IFT122: variants seen among roughly 807,000 people sequenced by gnomAD.
The protein encoded by IFT122 is intraflagellar transport 122.
IFT122 carries 118 observed loss-of-function variants against 161.6 expected under a neutral mutation model. That is an observed-to-expected ratio of 0.73 (90% CI 0.63 to 0.85). The LOEUF (loss-of-function observed/expected upper bound fraction) is 0.85. Ranked by LOEUF, IFT122 falls within the 40% of genes least tolerant of loss-of-function variation. The pLI, the probability that IFT122 is intolerant of heterozygous loss-of-function variation, is 0.00. For missense variants in IFT122, 1,381 were observed against 1,579.6 expected, an observed-to-expected ratio of 0.87 and a Z score of 2.13; for synonymous variants, 550 against 602.4, an observed-to-expected ratio of 0.91 and a Z score of 1.27.
At position 129,499,987 on chromosome 3, in the gene IFT122, A is replaced by C. The variant is rs146026277; in HGVS notation, c.2294A>C (p.Lys765Thr). 584 of 1,614,206 alleles carry C rather than the reference A, an allele frequency of 3.6e-4. No homozygotes were observed. The African/African-American group carries it at 7.0e-3, about 19-fold the overall frequency. Residue 765 changes from lysine (K) to threonine (T), a missense_variant, in exon 19 of 30, where the codon AAA (lysine) becomes ACA (threonine). Transcript: ENST00000348417. ...TGGGCCAGAAATATCAAGGAGCCCA[A>C]AGCCGCCGTGGAGATGTACATCTCA... ...ADWARNIKEP[K>T]AAVEMYISAG...
chr3:129,477,287 C>T (rs1422775011), intron 11 of IFT122, among the ~76,000 whole-genome samples: 1 of 152,164 alleles, frequency 6.6e-6, no homozygotes, highest in Non-Finnish European at 1.5e-5. Flanking sequence ...GAGTTCCCGG[C>T]CTCGCATAGT....
chr3:129,507,807 G>A lies in IFT122; in HGVS notation c.2886+45G>A, dbSNP rs887853677. ...AGCACCTGAGGGTACCATCTCCTGA[G>A]CTAGGGGTCCCGGGCATATCTAAAG... On this transcript the variant is annotated intron_variant, in intron 23 of 29. Coordinates refer to ENST00000348417, the MANE Select transcript of IFT122 (RefSeq NM_052989.3). 7.7e-6 allele frequency: 11 copies of A among 1,430,028 alleles called. No homozygotes were observed. The African/African-American group carries it at 1.5e-4, about 20-fold the overall frequency. The allele number at this position is 1,430,028 out of a possible 1,614,324, so 88.6% of individuals were successfully genotyped here. A position where few individuals can be genotyped will look rare whatever the true frequency, so the allele number is the denominator to read the frequency against.
intron 5 of IFT122, among the ~76,000 whole-genome samples, chr3:129,462,043 G>A (rs1019936260): frequency 6.6e-6 from 1 of 152,132 alleles, no homozygotes; most frequent in African/African-American, 2.4e-5. Flanking sequence ...CAGTGTTCCA[G>A]TTCCCTTATC....
intron 29 of IFT122, 63 bp from the exon 30 acceptor site, chr3:129,520,113 C>T (rs1429263757): frequency 7.9e-6 from 11 of 1,384,072 alleles, no homozygotes; most frequent in Non-Finnish European, 1.1e-5. Context: ...TGCGTCCTGG[C>T]CCCAGGCGTA....
intron 15 of IFT122, chr3:129,487,663 T>C (rs575266427): frequency 1.6e-4 from 27 of 173,262 alleles, no homozygotes; most frequent in Admixed American, 1.3e-3. Context: ...AAGAGGCCAT[T>C]CCAGACCGCT....
intron 20 of IFT122, 122 bp from the exon 21 acceptor site, chr3:129,504,197 C>CT: frequency 1.2e-6 from 1 of 809,964 alleles, no homozygotes; most frequent in East Asian, 2.5e-5. Context: ...GGGAGGCACT[C>CT]TCCCCCTCTG....
At chr3:129,483,745 C>T in intron 15 of IFT122, 63 bp downstream of exon 15, 1 of 1,446,768 alleles carries the variant, frequency 6.9e-7, no homozygotes, top group Non-Finnish European at 9.5e-7. Flanking sequence ...GGAAGCTGGG[C>T]CCTTTGCTGG....
chr3:129,469,653 C>T (rs551279253), intron 9 of IFT122, among the ~76,000 whole-genome samples: 2 of 152,192 alleles, frequency 1.3e-5, no homozygotes, highest in Non-Finnish European at 2.9e-5. Context: ...TAAACCAGAA[C>T]TCAGAGCAGT....
intron 17 of IFT122, among the ~76,000 whole-genome samples, chr3:129,492,819 T>TTC (rs1553760536): frequency 1.3e-5 from 2 of 149,672 alleles, no homozygotes; most frequent in East Asian, 3.9e-4. Context: ...TTTTTTTCTT[T>TTC]TTTTTTTTTT....
intron 9 of IFT122, among the ~76,000 whole-genome samples, chr3:129,471,182 C>T (rs971062347): frequency 1.3e-5 from 2 of 152,190 alleles, no homozygotes; most frequent in Non-Finnish European, 2.9e-5. Flanking sequence ...TTCCTCAAAA[C>T]ATGTCATGTA....
chr3:129,519,466 G>T, intron 28 of IFT122, 102 bp from the exon 29 acceptor site: 1 of 1,489,064 alleles, frequency 6.7e-7, no homozygotes, highest in Non-Finnish European at 9.1e-7. Context: ...TAGGAAGCAG[G>T]TCCTCTCTCA....
chr3:129,480,227 C>T (rs1428948037), intron 13 of IFT122, among the ~76,000 whole-genome samples: 1 of 152,162 alleles, frequency 6.6e-6, no homozygotes, highest in African/African-American at 2.4e-5. Flanking sequence ...GATGTTGCTT[C>T]TGTGGATTTC....
intron 15 of IFT122, among the ~76,000 whole-genome samples, chr3:129,484,459 C>T (rs2079050710): frequency 6.6e-6 from 1 of 152,132 alleles, no homozygotes; most frequent in Admixed American, 6.5e-5. Flanking sequence ...GCATAATATA[C>T]AATTAGGAGC....
At chr3:129,518,517 G>A (rs770159056) in intron 27 of IFT122, among the ~76,000 whole-genome samples, 13 of 152,284 alleles carry the variant, frequency 8.5e-5, no homozygotes, top group East Asian at 7.7e-4. Flanking sequence ...AAGGAAAGAC[G>A]GACCCATCTC....
Position 129,499,892 on chromosome 3 carries a change from G to A in IFT122, c.2209-10G>A, listed in dbSNP as rs2081333320. ...GATCCAGAGTGTTTTTGTTTGTTGT[G>A]CTTCCTCAGGATTTCCTTGGATCTG... is the stretch of plus-strand genomic sequence containing the variant. On this transcript the variant is annotated splice_polypyrimidine_tract_variant and intron_variant, in intron 18 of 29. Transcript: ENST00000348417. 2 of 1,614,010 alleles carry A rather than the reference G, an allele frequency of 1.2e-6. No individual in the cohort carries two copies. Among genetic ancestry groups the A allele is most frequent in the Non-Finnish European group, 1.7e-6 (2 of 1,179,958 alleles).
chr3:129,505,288 G>T (rs2713621), intron 21 of IFT122, among the ~76,000 whole-genome samples: 51,976 of 152,050 alleles, frequency 0.34, 13,501 homozygotes, highest in African/African-American at 0.69. Context: ...GCCTTCTAAT[G>T]GAAGTTGGGT....
At chr3:129,445,662 G>A (rs1016472132) in intron 1 of IFT122, among the ~76,000 whole-genome samples, 2 of 152,206 alleles carry the variant, frequency 1.3e-5, no homozygotes, top group Non-Finnish European at 2.9e-5. Flanking sequence ...AGACTCTAGA[G>A]TCAGACCTGA....
At chr3:129,457,744 T>C (rs1034427832) in intron 3 of IFT122, among the ~76,000 whole-genome samples, 1 of 148,664 alleles carries the variant, frequency 6.7e-6, no homozygotes, top group Non-Finnish European at 1.5e-5. Context: ...TTTTTTTTTT[T>C]TTTTTTTTTG....
At chr3:129,457,146 C>G (rs547497192) in intron 3 of IFT122, among the ~76,000 whole-genome samples, 1 of 152,278 alleles carries the variant, frequency 6.6e-6, no homozygotes, top group East Asian at 1.9e-4. Context: ...TAGGTGAAGA[C>G]CCCGTTATTT....
Sources: allele counts gnomAD v4.1 joint callset (sites outside exome capture counted in the v4.1 genomes callset), GRCh38; gene constraint gnomAD v4.1.1; transcripts MANE v1.5; gene names NCBI Gene and HGNC (gene_info 2026-07-23, HGNC 2026-07-21).